PAM: variants seen among roughly 807,000 people sequenced by gnomAD.
PAM encodes peptidylglycine alpha-amidating monooxygenase.
PAM carries 72 observed loss-of-function variants against 122.1 expected under a neutral mutation model. The observed-to-expected ratio is 0.59, with a 90% CI of 0.49 to 0.72. The LOEUF (loss-of-function observed/expected upper bound fraction) is 0.72, where lower values mean the gene tolerates loss of function less well. Among genes scored for constraint, PAM ranks in the 30% least tolerant of loss-of-function variants. The pLI, the probability that PAM is intolerant of heterozygous loss-of-function variation, is 0.00. For missense variants in PAM, 1,106 were observed against 1,183.7 expected, an observed-to-expected ratio of 0.93 and a Z score of 0.96; for synonymous variants, 389 against 404.4, an observed-to-expected ratio of 0.96 and a Z score of 0.46.
rs1393077495 is a variant in PAM at position 102,949,734 on chromosome 5, A to C, written c.724+117A>C. ...GTTTCAATGAAAGTGATTTCATATA[A>C]GACCTTGAAATATTTTATGCTGTTT... On this transcript the variant is annotated intron_variant, in intron 10 of 25. Coordinates refer to ENST00000438793, the MANE Select transcript of PAM (RefSeq NM_001177306.2). 9.7e-6 allele frequency: 7 copies of C among 722,364 alleles called. No individual in the cohort carries two copies. The African/African-American group carries it at 1.2e-4, about 13-fold the overall frequency. 44.7% of individuals were successfully genotyped at this position (722,364 alleles called of 1,614,324 possible).
chr5:102,794,886 G>C (rs1461249570), intron 1 of PAM, among the ~76,000 whole-genome samples: 1 of 152,042 alleles, frequency 6.6e-6, no homozygotes, highest in East Asian at 1.9e-4. Flanking sequence ...AGTAACAAAA[G>C]AAGATGCAGG....
At chr5:102,797,232 C>A (rs1580236202) in intron 1 of PAM, among the ~76,000 whole-genome samples, 1 of 152,122 alleles carries the variant, frequency 6.6e-6, no homozygotes, top group South Asian at 2.1e-4. Flanking sequence ...AGCCATGGAA[C>A]TGGTTATTTT....
chr5:102,894,121 C>T (rs1388176181), intron 3 of PAM, among the ~76,000 whole-genome samples: 1 of 151,086 alleles, frequency 6.6e-6, no homozygotes, highest in Non-Finnish European at 1.5e-5. Context: ...CACTAGAGAT[C>T]CTGGGGGTAA....
At chr5:102,822,458 A>G (rs1390649351) in intron 1 of PAM, among the ~76,000 whole-genome samples, 1 of 152,110 alleles carries the variant, frequency 6.6e-6, no homozygotes, top group Non-Finnish European at 1.5e-5. Flanking sequence ...CCTAACATGC[A>G]CAGCTTTGGA....
intron 5 of PAM, among the ~76,000 whole-genome samples, chr5:102,917,222 A>C (rs1397168478): frequency 6.6e-6 from 1 of 152,160 alleles, no homozygotes; most frequent in Non-Finnish European, 1.5e-5. Flanking sequence ...TAGTCAGTGG[A>C]TATTTTCCAG....
intron 1 of PAM, among the ~76,000 whole-genome samples, chr5:102,813,194 T>C (rs1351156673): frequency 2.0e-5 from 3 of 152,172 alleles, no homozygotes; most frequent in Non-Finnish European, 4.4e-5. Flanking sequence ...TTAAAAATTA[T>C]CTTTAAAGTT....
rs1464159361 is a variant in PAM at position 102,817,923 on chromosome 5, G to A, written c.-373-47900G>A. Among the ~76,000 whole-genome samples the A allele has an allele frequency of 2.0e-5, 3 of 149,302 alleles. No homozygotes were observed. In the East Asian group the frequency reaches 6.0e-4, roughly 30 times the overall value. ...TTAATTGCTCCTCCCCCTTCCTGGA[G>A]TGCTGTTCCTCCAGGTGTCTGCAGG... On this transcript the variant is annotated intron_variant, in intron 1 of 25. Transcript: ENST00000438793.
chr5:102,894,993 C>CA (rs35700067), intron 3 of PAM, among the ~76,000 whole-genome samples: 319 of 142,908 alleles, frequency 2.2e-3, no homozygotes, highest in Middle Eastern at 7.4e-3. Flanking sequence ...CATTTTCCTA[C>CA]AAAAAAAAAA....
At chr5:102,889,965 T>C (rs1446873878) in intron 3 of PAM, among the ~76,000 whole-genome samples, 2 of 151,958 alleles carry the variant, frequency 1.3e-5, no homozygotes, top group Admixed American at 6.6e-5. Context: ...AAAAGAGTAT[T>C]TTTATATCTA....
intron 21 of PAM, among the ~76,000 whole-genome samples, chr5:103,011,647 C>T (rs1405421871): frequency 1.3e-5 from 2 of 152,104 alleles, no homozygotes; most frequent in East Asian, 3.9e-4. Context: ...ACCACATTTT[C>T]TTTATCCATT....
chr5:102,974,365 C>T lies in PAM; in HGVS notation c.1412C>T (p.Pro471Leu), dbSNP rs1275252916. 1 of 1,613,990 alleles carries T rather than the reference C, an allele frequency of 6.2e-7. No homozygotes were observed. Among genetic ancestry groups the T allele is most frequent in the African/African-American group, 1.3e-5 (1 of 75,020 alleles). ...AGACTAGTATCTACCTTGAGGCCAC[C>T]AGAGAGCAGAGTTTTCTCATTACAG... ...FHRLVSTLRP[P>L]ESRVFSLQQP... is the part of the protein sequence containing the mutation. The change falls in exon 15 of 26, where the codon CCA becomes CTA. Residue 471 changes from proline to leucine, a missense_variant. Pro to Leu is a moderately conservative substitution (Grantham distance 98). Transcript: ENST00000438793.
intron 4 of PAM, among the ~76,000 whole-genome samples, chr5:102,909,086 AT>A (rs1046881864): frequency 1.3e-5 from 2 of 151,592 alleles, no homozygotes; most frequent in Non-Finnish European, 3.0e-5. Flanking sequence ...AGGGTTTGTA[AT>A]TTTTTTTATT....
intron 5 of PAM, among the ~76,000 whole-genome samples, chr5:102,914,333 T>C: frequency 6.6e-6 from 1 of 151,994 alleles, no homozygotes; most frequent in East Asian, 1.9e-4. Context: ...AAACTACCAG[T>C]TGGATACTAT....
intron 23 of PAM, among the ~76,000 whole-genome samples, chr5:103,021,031 A>T (rs1177697666): frequency 1.3e-5 from 2 of 152,180 alleles, no homozygotes; most frequent in Non-Finnish European, 2.9e-5. Context: ...ACGTTGGGAA[A>T]GATCATGTTG....
intron 1 of PAM, among the ~76,000 whole-genome samples, chr5:102,852,367 A>G (rs1006046274): frequency 3.3e-5 from 5 of 152,202 alleles, no homozygotes; most frequent in Non-Finnish European, 7.3e-5. Flanking sequence ...TATGATCTCT[A>G]TCAAATGTGT....
intron 20 of PAM, 39 bp from the exon 21 acceptor site, chr5:103,009,712 C>A: frequency 1.9e-6 from 2 of 1,052,880 alleles, no homozygotes; most frequent in Non-Finnish European, 3.0e-6. Flanking sequence ...CATTCTTACC[C>A]ATATTTTAAA....
intron 1 of PAM, among the ~76,000 whole-genome samples, chr5:102,824,699 G>A (rs1773057956): frequency 6.6e-6 from 1 of 152,150 alleles, no homozygotes; most frequent in Non-Finnish European, 1.5e-5. Flanking sequence ...GTTGCTTTTA[G>A]TGAGAAAAAT....
At chr5:102,974,907 T>A (rs1047753635) in intron 15 of PAM, 2 of 152,524 alleles carry the variant, frequency 1.3e-5, no homozygotes, top group African/African-American at 4.8e-5. Context: ...AGTTGACTTG[T>A]AAAATATAAC....
At chr5:102,769,231 C>G (rs1409619681) in intron 1 of PAM, among the ~76,000 whole-genome samples, 1 of 151,892 alleles carries the variant, frequency 6.6e-6, no homozygotes, top group Non-Finnish European at 1.5e-5. Flanking sequence ...TGTTGGAGCT[C>G]CTTATGTATT....
Sources: allele counts gnomAD v4.1 joint callset (sites outside exome capture counted in the v4.1 genomes callset), GRCh38; gene constraint gnomAD v4.1.1; transcripts MANE v1.5; gene names NCBI Gene and HGNC (gene_info 2026-07-23, HGNC 2026-07-21).